HS3ST4: variants seen among roughly 807,000 people sequenced by gnomAD.
The protein encoded by HS3ST4 is heparan sulfate-glucosamine 3-sulfotransferase 4, also known as heparan sulfate glucosamine 3-O-sulfotransferase 4.
HS3ST4 carries 17 observed loss-of-function variants against 29.2 expected under a neutral mutation model. The observed-to-expected ratio is 0.58, with a 90% CI of 0.40 to 0.87. The LOEUF is 0.87. Ranked by LOEUF, HS3ST4 falls within the 40% of genes least tolerant of loss-of-function variation. HS3ST4 has a pLI of 0.00. For synonymous variants in HS3ST4, 314 were observed against 285.7 expected (o/e 1.10, Z -1.00); for missense variants, 627 against 634.5 (o/e 0.99, Z 0.13).
chr16:25,996,681 G>A (rs1024917759), intron 1 of HS3ST4, among the ~76,000 whole-genome samples: 3 of 152,024 alleles, frequency 2.0e-5, no homozygotes, highest in African/African-American at 7.2e-5. Flanking sequence ...GTATGTTTTA[G>A]TATCTGCCAA....
chr16:25,705,790 G>A (rs1012732871), intron 1 of HS3ST4, among the ~76,000 whole-genome samples: 3 of 152,250 alleles, frequency 2.0e-5, no homozygotes, highest in Non-Finnish European at 4.4e-5. Flanking sequence ...ATAGATTGGT[G>A]TGTAGAGCCT....
At chr16:25,862,098 G>A (rs1295177443) in intron 1 of HS3ST4, among the ~76,000 whole-genome samples, 3 of 152,040 alleles carry the variant, frequency 2.0e-5, no homozygotes, top group Non-Finnish European at 2.9e-5. Flanking sequence ...ATTCTCATAA[G>A]GAGCACACAA....
intron 1 of HS3ST4, among the ~76,000 whole-genome samples, chr16:25,785,376 A>C (rs1966856455): frequency 6.6e-6 from 1 of 152,202 alleles, no homozygotes; most frequent in African/African-American, 2.4e-5. Flanking sequence ...TAGAGTCAGG[A>C]TTCAATTCGA....
rs555854638 is a variant in HS3ST4, at chr16:25,879,597, G to A, written c.734+186446G>A. Among the ~76,000 whole-genome samples the A allele has an allele frequency of 5.3e-5, 8 of 152,050 alleles. No individual in the cohort carries two copies. In the South Asian group the frequency reaches 8.3e-4, roughly 16 times the overall value. On this transcript the variant is annotated intron_variant, in intron 1 of 1. Coordinates refer to ENST00000331351, the MANE Select transcript of HS3ST4 (RefSeq NM_006040.3). ...TGATTCAGTCATCTCACACTGGGTC[G>A]CTCCCACAACATGTGGGAATTATGG...
rs557934955 is a variant in HS3ST4, at chr16:26,135,795, C to G, written c.918C>G (p.Pro306=). 1 of 1,614,092 alleles carries G rather than the reference C, an allele frequency of 6.2e-7. No individual in the cohort carries two copies. Among genetic ancestry groups the G allele is most frequent in the Non-Finnish European group, 8.5e-7 (1 of 1,179,972 alleles). Residue 306 remains proline, a synonymous_variant, in exon 2 of 2, where the codon CCC becomes CCG. Transcript: ENST00000331351. ...SDYTQTLSKK[P]EIPTFEVLAF... Reference sequence around the variant, plus strand: ...ACACGCAGACACTGTCAAAGAAACCCGAGATCCCCACCTTTGAGGTGCTGG... The same window carrying G: ...ACACGCAGACACTGTCAAAGAAACCGGAGATCCCCACCTTTGAGGTGCTGG...
intron 1 of HS3ST4, among the ~76,000 whole-genome samples, chr16:26,067,043 A>T (rs1171794657): frequency 6.6e-6 from 1 of 152,192 alleles, no homozygotes; most frequent in African/African-American, 2.4e-5. Flanking sequence ...TTGTAAGTGC[A>T]TGGGAATTTG....
At chr16:25,860,824 G>T (rs1190297062) in intron 1 of HS3ST4, among the ~76,000 whole-genome samples, 1 of 152,144 alleles carries the variant, frequency 6.6e-6, no homozygotes, top group Non-Finnish European at 1.5e-5. Flanking sequence ...CAGACCCGTA[G>T]GACATACAAC....
At chr16:26,008,020 T>C (rs1442662224) in intron 1 of HS3ST4, among the ~76,000 whole-genome samples, 2 of 151,998 alleles carry the variant, frequency 1.3e-5, no homozygotes. Flanking sequence ...GAGCCAGAGA[T>C]CACCTCCAAT....
At chr16:25,932,142 T>C (rs758739364) in intron 1 of HS3ST4, among the ~76,000 whole-genome samples, 6 of 152,134 alleles carry the variant, frequency 3.9e-5, no homozygotes, top group Non-Finnish European at 8.8e-5. Context: ...AGTGAGACCC[T>C]GTCTGTACAA....
chr16:26,068,651 A>C (rs1164504343), intron 1 of HS3ST4, among the ~76,000 whole-genome samples: 2 of 152,264 alleles, frequency 1.3e-5, no homozygotes, highest in East Asian at 3.9e-4. Context: ...TTGGGGCTCA[A>C]GTGGTCGTTT....
chr16:26,025,424 C>CT (rs2141749783), intron 1 of HS3ST4: 1 of 154,448 alleles, frequency 6.5e-6, no homozygotes, highest in East Asian at 1.9e-4. Flanking sequence ...TCGTGCTCTT[C>CT]TTTTGAAGGG....
At chr16:25,806,188 T>C (rs1966988931) in intron 1 of HS3ST4, among the ~76,000 whole-genome samples, 1 of 152,198 alleles carries the variant, frequency 6.6e-6, no homozygotes, top group Non-Finnish European at 1.5e-5. Context: ...TACTTACCTC[T>C]GCAGTGCACA....
intron 1 of HS3ST4, among the ~76,000 whole-genome samples, chr16:25,722,048 G>C (rs1221797480): frequency 6.6e-6 from 1 of 152,152 alleles, no homozygotes; most frequent in African/African-American, 2.4e-5. Flanking sequence ...TCGATCCTTT[G>C]TTGTCAGTGT....
intron 1 of HS3ST4, among the ~76,000 whole-genome samples, chr16:26,012,408 G>T (rs1226172993): frequency 1.3e-5 from 2 of 152,198 alleles, no homozygotes; most frequent in Non-Finnish European, 2.9e-5. Flanking sequence ...CAGCTGAGAA[G>T]ACCCGATCAG....
At chr16:26,109,242 G>A (rs1363390610) in intron 1 of HS3ST4, among the ~76,000 whole-genome samples, 1 of 152,174 alleles carries the variant, frequency 6.6e-6, no homozygotes. Context: ...AGGTTGTTGA[G>A]GCAGTAAAAG....
chr16:25,927,459 A>G (rs1358715352), intron 1 of HS3ST4, among the ~76,000 whole-genome samples: 1 of 152,204 alleles, frequency 6.6e-6, no homozygotes, highest in Non-Finnish European at 1.5e-5. Flanking sequence ...CAATAATTCT[A>G]ACTCTTCTGC....
chr16:25,988,393 G>A (rs1444536398), intron 1 of HS3ST4, among the ~76,000 whole-genome samples: 1 of 152,182 alleles, frequency 6.6e-6, no homozygotes, highest in Non-Finnish European at 1.5e-5. Flanking sequence ...GTGGGACTGT[G>A]GATGTTTTTT....
intron 1 of HS3ST4, among the ~76,000 whole-genome samples, chr16:26,110,765 G>A (rs1298657114): frequency 2.0e-5 from 3 of 152,098 alleles, no homozygotes; most frequent in Non-Finnish European, 1.5e-5. Context: ...ACGGCACTCA[G>A]AATAAAGTTT....
chr16:26,127,269 C>T (rs1382223599), intron 1 of HS3ST4, among the ~76,000 whole-genome samples: 1 of 152,176 alleles, frequency 6.6e-6, no homozygotes, highest in African/African-American at 2.4e-5. Flanking sequence ...AAACGTTGCT[C>T]CCCTTGATCT....
Sources: allele counts gnomAD v4.1 joint callset (sites outside exome capture counted in the v4.1 genomes callset), GRCh38; gene constraint gnomAD v4.1.1; transcripts MANE v1.5; gene names NCBI Gene and HGNC (gene_info 2026-07-23, HGNC 2026-07-21).